ADAMTS12: variants seen among roughly 807,000 people sequenced by gnomAD.
ADAMTS12 encodes the protein A disintegrin and metalloproteinase with thrombospondin motifs 12.
ADAMTS12 carries 118 observed loss-of-function variants against 167.8 expected under a neutral mutation model. The ratio of observed to expected loss-of-function variants is 0.70; its 90% CI spans 0.61 to 0.82. The LOEUF is 0.82. ADAMTS12 is among the 40% of genes least tolerant of loss of function. The pLI is 0.00. For missense variants in ADAMTS12, 1,916 were observed against 1,998.8 expected (o/e 0.96, Z 0.79); for synonymous variants, 704 against 716.9 (o/e 0.98, Z 0.29).
intron 5 of ADAMTS12, among the ~76,000 whole-genome samples, chr5:33,664,793 G>A (rs1336941158): frequency 6.6e-6 from 1 of 152,040 alleles, no homozygotes; most frequent in Non-Finnish European, 1.5e-5. Context: ...ATCCCATGGG[G>A]TATATATCCT....
intron 18 of ADAMTS12, among the ~76,000 whole-genome samples, chr5:33,578,862 T>G (rs369319936): frequency 2.0e-4 from 30 of 152,288 alleles, no homozygotes; most frequent in African/African-American, 7.2e-4. Flanking sequence ...ACCCAACCAG[T>G]GAAGCTGTGG....
At chr5:33,778,344 T>C (rs1237892844) in intron 2 of ADAMTS12, among the ~76,000 whole-genome samples, 7 of 151,908 alleles carry the variant, frequency 4.6e-5, no homozygotes, top group Non-Finnish European at 8.8e-5. Flanking sequence ...ATGAAACAAA[T>C]AGAGAGCTCA....
chr5:33,797,463 T>C (rs1746823749), intron 2 of ADAMTS12, among the ~76,000 whole-genome samples: 2 of 151,776 alleles, frequency 1.3e-5, no homozygotes, highest in African/African-American at 4.8e-5. Context: ...ATACAACCAA[T>C]CTGAAACACA....
chr5:33,640,042 T>A (rs1740381752), intron 11 of ADAMTS12, among the ~76,000 whole-genome samples: 1 of 152,136 alleles, frequency 6.6e-6, no homozygotes. Flanking sequence ...TTCATTTCCA[T>A]CCAATCAATA....
chr5:33,791,315 C>G (rs28472719), intron 2 of ADAMTS12, among the ~76,000 whole-genome samples: 1 of 152,120 alleles, frequency 6.6e-6, no homozygotes, highest in Non-Finnish European at 1.5e-5. Context: ...TATTAATATG[C>G]TCTGTAATGC....
intron 2 of ADAMTS12, among the ~76,000 whole-genome samples, chr5:33,804,279 T>A (rs1747134160): frequency 6.6e-6 from 1 of 152,212 alleles, no homozygotes; most frequent in African/African-American, 2.4e-5. Context: ...CTATGTGACT[T>A]CTTTTGTTGG....
intron 2 of ADAMTS12, among the ~76,000 whole-genome samples, chr5:33,862,431 T>C (rs1749654632): frequency 6.6e-6 from 1 of 152,112 alleles, no homozygotes; most frequent in Non-Finnish European, 1.5e-5. Context: ...CACAGTAAAC[T>C]AGAAAATCTA....
intron 2 of ADAMTS12, among the ~76,000 whole-genome samples, chr5:33,757,634 T>A (rs1332229656): frequency 6.6e-6 from 1 of 152,146 alleles, no homozygotes; most frequent in East Asian, 1.9e-4. Flanking sequence ...TGGGAAAAAA[T>A]AATCCCTTTG....
chr5:33,684,789 A>G (rs1476719409), intron 3 of ADAMTS12, among the ~76,000 whole-genome samples: 1 of 152,256 alleles, frequency 6.6e-6, no homozygotes, highest in African/African-American at 2.4e-5. Flanking sequence ...TTGGAAGACG[A>G]AATCTAGGAG....
intron 2 of ADAMTS12, among the ~76,000 whole-genome samples, chr5:33,832,177 G>C (rs1748326410): frequency 1.3e-5 from 2 of 152,172 alleles, no homozygotes; most frequent in Non-Finnish European, 2.9e-5. Context: ...AGAAAAACCT[G>C]GGATTGTATG....
At chr5:33,847,826 C>A (rs1247754138) in intron 2 of ADAMTS12, among the ~76,000 whole-genome samples, 4 of 152,132 alleles carry the variant, frequency 2.6e-5, no homozygotes, top group African/African-American at 9.7e-5. Context: ...GTGGGCACAG[C>A]ACCTGTAAGG....
At chr5:33,584,231 AATAG>A (rs1421590899) in intron 18 of ADAMTS12, among the ~76,000 whole-genome samples, 5 of 152,222 alleles carry the variant, frequency 3.3e-5, no homozygotes, top group African/African-American at 1.2e-4. Flanking sequence ...AAAAGTACTT[AATAG>A]ATACATACAT....
rs1375367256 is a variant in ADAMTS12, at chr5:33,648,732, G to A, written c.1479+90C>T. ...AAAGCTTCTATTTCTGTGTCTGGAT[G>A]TTCAGTTATTTCCAAATATTGTCCT... On this transcript the variant is annotated intron_variant, in intron 9 of 23. Coordinates refer to ENST00000504830, the MANE Select transcript of ADAMTS12 (RefSeq NM_030955.4). The A allele has an allele frequency of 3.5e-6, 5 of 1,432,268 alleles. 1 individual carries two copies. The highest frequency in any genetic ancestry group is 1.6e-5 in the African/African-American group (1 of 63,626). The allele number at this position is 1,432,268 out of a possible 1,614,324, so 88.7% of individuals were successfully genotyped here. A position where few individuals can be genotyped will look rare whatever the true frequency, so the allele number is the denominator to read the frequency against.
chr5:33,526,757 G>GA lies in ADAMTS12; in HGVS notation c.*430dup, dbSNP rs919553351. The GA allele has an allele frequency of 4.1e-4, 61 of 149,688 alleles. No homozygotes were observed. The highest frequency in any genetic ancestry group is 8.6e-4 in the Admixed American group (13 of 15,154). 9.3% of individuals were successfully genotyped at this position (149,688 alleles called of 1,614,324 possible). The stretch of plus-strand genomic sequence containing the variant: ...GCAGCTGCCCCAGGCAGGGAGGCAA[G>GA]AAAAAAAAAAGAAAGGTATTCATCA... On this transcript the variant is annotated 3_prime_UTR_variant, in exon 24 of 24. Transcript: ENST00000504830.
At chr5:33,845,285 C>G (rs1228120501) in intron 2 of ADAMTS12, among the ~76,000 whole-genome samples, 1 of 152,114 alleles carries the variant, frequency 6.6e-6, no homozygotes, top group Non-Finnish European at 1.5e-5. Flanking sequence ...GAAAAAGGTT[C>G]CCTGAAGAAA....
chr5:33,812,709 A>G (rs986542399), intron 2 of ADAMTS12, among the ~76,000 whole-genome samples: 5 of 152,144 alleles, frequency 3.3e-5, no homozygotes, highest in African/African-American at 1.2e-4. Context: ...TGGTTCATAT[A>G]TTTTCCATTG....
At chr5:33,591,644 C>T (rs932820513) in intron 17 of ADAMTS12, among the ~76,000 whole-genome samples, 1 of 152,156 alleles carries the variant, frequency 6.6e-6, no homozygotes, top group African/African-American at 2.4e-5. Context: ...TTCTTGTCCC[C>T]TACACACACC....
intron 20 of ADAMTS12, among the ~76,000 whole-genome samples, chr5:33,557,593 G>A (rs1393365263): frequency 6.6e-6 from 1 of 152,056 alleles, no homozygotes; most frequent in African/African-American, 2.4e-5. Context: ...GTGGGCCACT[G>A]CACTCCAGCT....
intron 1 of ADAMTS12, chr5:33,891,529 G>A (rs1308063143): frequency 1.5e-6 from 1 of 668,922 alleles, no homozygotes; most frequent in Non-Finnish European, 2.5e-6. Flanking sequence ...CTTTCTATAA[G>A]AATGAAGGAC....
Sources: allele counts gnomAD v4.1 joint callset (sites outside exome capture counted in the v4.1 genomes callset), GRCh38; gene constraint gnomAD v4.1.1; transcripts MANE v1.5; gene names NCBI Gene and HGNC (gene_info 2026-07-23, HGNC 2026-07-21).